Variants in TSC22D1 observed in about 807,000 individuals in gnomAD.
TSC22D1 encodes TSC22 domain family member 1, also known as TSC22 domain family protein 1.
A neutral mutation model predicts 74.2 loss-of-function variants in TSC22D1; 9 were observed. The observed-to-expected ratio is 0.12, with a 90% CI of 0.07 to 0.21. TSC22D1 has a LOEUF of 0.21. Among genes scored for constraint, TSC22D1 ranks in the 10% least tolerant of loss-of-function variants. The pLI, the probability that TSC22D1 is intolerant of heterozygous loss-of-function variation, is 1.00. For missense variants in TSC22D1, 1,427 were observed against 1,304.7 expected, an observed-to-expected ratio of 1.09 and a Z score of -1.44; for synonymous variants, 586 against 492.5, an observed-to-expected ratio of 1.19 and a Z score of -2.51.
chr13:44,498,877 A>T (rs1879096649), intron 1 of TSC22D1, among the ~76,000 whole-genome samples: 1 of 152,242 alleles, frequency 6.6e-6, no homozygotes, highest in African/African-American at 2.4e-5. Context: ...TGACATGATT[A>T]ACACATTTGA....
intron 1 of TSC22D1, among the ~76,000 whole-genome samples, chr13:44,507,646 A>G (rs1283062258): frequency 6.6e-6 from 1 of 152,240 alleles, no homozygotes; most frequent in Non-Finnish European, 1.5e-5. Context: ...GCTTGCTGTA[A>G]TGTCAATTTT....
chr13:44,539,581 A>G, intron 1 of TSC22D1: 1 of 985,362 alleles, frequency 1.0e-6, no homozygotes, highest in Non-Finnish European at 1.2e-6. Flanking sequence ...AATTATCTGG[A>G]GAGAAAATTA....
chr13:44,465,646 A>G (rs1877236699), intron 1 of TSC22D1, among the ~76,000 whole-genome samples: 1 of 152,200 alleles, frequency 6.6e-6, no homozygotes, highest in African/African-American at 2.4e-5. Context: ...ACAACAACAA[A>G]GCCCACGACT....
intron 1 of TSC22D1, among the ~76,000 whole-genome samples, chr13:44,568,786 G>A (rs1208351501): frequency 6.6e-6 from 1 of 152,194 alleles, no homozygotes; most frequent in Non-Finnish European, 1.5e-5. Flanking sequence ...GGAAAGGAGG[G>A]GCAACTTGGA....
At chr13:44,490,506 C>A (rs1156384474) in intron 1 of TSC22D1, among the ~76,000 whole-genome samples, 1 of 151,302 alleles carries the variant, frequency 6.6e-6, no homozygotes, top group Non-Finnish European at 1.5e-5. Flanking sequence ...TATAAATGTT[C>A]AACCAAAAAA....
chr13:44,467,072 G>A (rs1488244118), intron 1 of TSC22D1, among the ~76,000 whole-genome samples: 1 of 152,068 alleles, frequency 6.6e-6, no homozygotes. Flanking sequence ...TGAGGCAGGA[G>A]AATTGCTTGA....
chr13:44,492,701 G>T (rs908714896), intron 1 of TSC22D1, among the ~76,000 whole-genome samples: 1 of 152,168 alleles, frequency 6.6e-6, no homozygotes, highest in Non-Finnish European at 1.5e-5. Context: ...GGTGGAGGAT[G>T]GGGCTGGGAG....
intron 1 of TSC22D1, among the ~76,000 whole-genome samples, chr13:44,533,071 C>A (rs1880942620): frequency 6.6e-6 from 1 of 152,016 alleles, no homozygotes. Flanking sequence ...TACCAATTAT[C>A]TTGCATGTAA....
At chr13:44,544,860 C>T (rs926705493) in intron 1 of TSC22D1, among the ~76,000 whole-genome samples, 3 of 151,918 alleles carry the variant, frequency 2.0e-5, no homozygotes, top group African/African-American at 2.4e-5. Flanking sequence ...TCATGCTCCA[C>T]TGAGGTAGAA....
intron 1 of TSC22D1, among the ~76,000 whole-genome samples, chr13:44,442,020 C>T (rs1875244580): frequency 6.6e-6 from 1 of 152,152 alleles, no homozygotes; most frequent in Admixed American, 6.5e-5. Context: ...AAAGGGATAT[C>T]AGATATTCAG....
intron 1 of TSC22D1, among the ~76,000 whole-genome samples, chr13:44,548,281 C>T (rs892428265): frequency 6.6e-6 from 1 of 152,218 alleles, no homozygotes; most frequent in Non-Finnish European, 1.5e-5. Context: ...CTTTGGGAGG[C>T]TGAGGCAGGC....
intron 1 of TSC22D1, among the ~76,000 whole-genome samples, chr13:44,550,054 T>A (rs1882126133): frequency 6.6e-6 from 1 of 152,110 alleles, no homozygotes; most frequent in Non-Finnish European, 1.5e-5. Flanking sequence ...CTAATCCACG[T>A]CTGGAAAGTA....
Position 44,573,182 on chromosome 13 carries a change from C to A in TSC22D1, c.2893G>T (p.Val965Leu). 2 of 1,614,126 alleles carry A rather than the reference C, an allele frequency of 1.2e-6. No homozygotes were observed. The highest frequency in any genetic ancestry group is 1.7e-6 in the Non-Finnish European group (2 of 1,179,984). The change falls in exon 1 of 3, where the codon GTG (valine) becomes TTG (leucine). Residue 965 changes from valine to leucine, a missense_variant. Physicochemically the swap from Val to Leu is conservative, Grantham distance 32. Coordinates refer to ENST00000458659, the MANE Select transcript of TSC22D1 (RefSeq NM_183422.4). ...TCTTACCTCTCATCCTCGCCATCCA[C>A]CAGGGGTGTCGTCAGCGGTAGCACC... ...LKVLPLTTPL[V>L]DGEDESSSGA...
chr13:44,461,086 T>C (rs555545762), intron 1 of TSC22D1, among the ~76,000 whole-genome samples: 1 of 152,248 alleles, frequency 6.6e-6, no homozygotes, highest in African/African-American at 2.4e-5. Flanking sequence ...ACTAGGACAG[T>C]GGAATGTTTA....
In TSC22D1 at chr13:44,551,389, G is replaced by GGTGGGTGTGTGTGTGT. The variant is rs1298469090; in HGVS notation, c.2912+21773_2912+21774insACACACACACACCCAC. Among the ~76,000 whole-genome samples, 114 of 125,304 alleles carry GGTGGGTGTGTGTGTGT rather than the reference G, an allele frequency of 9.1e-4. 1 individual carries two copies. The highest frequency in any genetic ancestry group is 2.8e-3 in the African/African-American group (91 of 32,102). The allele number at this position is 125,304 out of a possible 152,430, so 82.2% of individuals were successfully genotyped here. On this transcript the variant is annotated intron_variant, in intron 1 of 2. Coordinates refer to ENST00000458659, the MANE Select transcript of TSC22D1 (RefSeq NM_183422.4). ...AAAAACCCAAAACCCCAATCAGATG[G>GGTGGGTGTGTGTGTGT]GTGTGTGTGTGTGTGTGTGTGTGTG...
chr13:44,443,357 C>G (rs971205639), intron 1 of TSC22D1, among the ~76,000 whole-genome samples: 6 of 151,638 alleles, frequency 4.0e-5, no homozygotes, highest in Admixed American at 3.9e-4. Context: ...GTGAAAACAT[C>G]TTTCAGAAAT....
intron 1 of TSC22D1, among the ~76,000 whole-genome samples, chr13:44,509,974 T>TA (rs1168693798): frequency 1.6e-3 from 132 of 82,254 alleles, no homozygotes; most frequent in South Asian, 5.7e-3. Flanking sequence ...AAAAAAAAGC[T>TA]AAAAAAAAAA....
At position 44,534,228 on chromosome 13, in the gene TSC22D1, G is replaced by A. The variant is rs368789807; in HGVS notation, c.2912+38935C>T. On this transcript the variant is annotated intron_variant, in intron 1 of 2. Coordinates refer to ENST00000458659, the MANE Select transcript of TSC22D1 (RefSeq NM_183422.4). ...GCGACAGAGTAAGACCCTGTCTCAA[G>A]GAGAAAAAAAAAAAAAAAAGCAGAC... 1.6e-3 allele frequency among the ~76,000 whole-genome samples: 225 copies of A among 136,396 alleles called. 1 individual carries two copies. The highest frequency in any genetic ancestry group is 6.3e-3 in the African/African-American group (217 of 34,604). The allele number at this position is 136,396 out of a possible 152,430, so 89.5% of individuals were successfully genotyped here. A position where few individuals can be genotyped will look rare whatever the true frequency, so the allele number is the denominator to read the frequency against.
intron 1 of TSC22D1, among the ~76,000 whole-genome samples, chr13:44,440,575 A>T (rs1875107779): frequency 6.9e-6 from 1 of 145,042 alleles, no homozygotes; most frequent in African/African-American, 2.6e-5. Flanking sequence ...GCAACAGGGC[A>T]AGGCTCTGTC....
Sources: allele counts gnomAD v4.1 joint callset (sites outside exome capture counted in the v4.1 genomes callset), GRCh38; gene constraint gnomAD v4.1.1; transcripts MANE v1.5; gene names NCBI Gene and HGNC (gene_info 2026-07-23, HGNC 2026-07-21).